The following METTL27 variants were observed in gnomAD, a reference collection of about 807,000 sequenced individuals.
METTL27 encodes methyltransferase-like protein 27.
A neutral mutation model predicts 24.5 loss-of-function variants in METTL27; 29 were observed. That is an observed-to-expected ratio of 1.18 (90% confidence interval 0.88 to 1.61). The LOEUF (loss-of-function observed/expected upper bound fraction) is 1.61. Among genes scored for constraint, METTL27 ranks in the 40% most tolerant of loss-of-function variants. METTL27 has a pLI of 0.00. For missense variants in METTL27, 341 were observed against 324.3 expected, an observed-to-expected ratio of 1.05 and a Z score of -0.40; for synonymous variants, 138 against 146.8, an observed-to-expected ratio of 0.94 and a Z score of 0.43.
At position 73,841,127 on chromosome 7, in the gene METTL27, C is replaced by T. The variant is rs146190258; in HGVS notation, c.195G>A (p.Pro65=). 9.1e-6 allele frequency: 14 copies of T among 1,535,766 alleles called. No individual in the cohort carries two copies. The highest frequency in any genetic ancestry group is 7.2e-5 in the African/African-American group (5 of 69,128). Residue 65 remains proline (P), a synonymous_variant, in exon 3 of 6, where the codon CCG becomes CCA. Transcript: ENST00000297873. ...VDCLTQALPG[P]PHSALILDVA... ...CGTCCAGGATCAGGGCACTGTGGGGCGGGCCTGGAAGGGCTTGTGTGAGGC... is the reference window on the plus strand; with the variant it reads ...CGTCCAGGATCAGGGCACTGTGGGGTGGGCCTGGAAGGGCTTGTGTGAGGC...
Position 73,834,661 on chromosome 7 carries a change from G to C in METTL27, c.*82C>G. The C allele has an allele frequency of 7.7e-7, 1 of 1,294,240 alleles. No individual in the cohort carries two copies. Among genetic ancestry groups the C allele is most frequent in the Non-Finnish European group, 1.1e-6 (1 of 929,160 alleles). 80.2% of individuals were successfully genotyped at this position (1,294,240 alleles called of 1,614,324 possible). A position where few individuals can be genotyped will look rare whatever the true frequency, so the allele number is the denominator to read the frequency against. ...GTTGGTTCGGAGGTCCCATTTTACA[G>C]GGGAGGCAGAGGAGGCCCAGCAGAT... is the stretch of plus-strand genomic sequence containing the variant. On this transcript the variant is annotated 3_prime_UTR_variant, in exon 6 of 6. Transcript: ENST00000297873.
chr7:73,839,909 A>G lies in METTL27; in HGVS notation c.478+122T>C, dbSNP rs533652417. 4.0e-5 allele frequency: 35 copies of G among 865,956 alleles called. No homozygotes were observed. In the Admixed American group the frequency reaches 8.6e-4, roughly 21 times the overall value. 53.6% of individuals were successfully genotyped at this position (865,956 alleles called of 1,614,324 possible). ...GGGATGTTAGGCTAGGCTGTGTGTG[A>G]CGCTGGGCAGGACGCTGCCCCTCGC... is the stretch of plus-strand genomic sequence containing the variant. On this transcript the variant is annotated intron_variant, in intron 5 of 5. Transcript: ENST00000297873.
chr7:73,838,612 G>GGGCA (rs1788272663), intron 5 of METTL27, among the ~76,000 whole-genome samples: 2 of 152,196 alleles, frequency 1.3e-5, no homozygotes, highest in Non-Finnish European at 2.9e-5. Context: ...TGTCACCCAT[G>GGGCA]GGCAGCCTGA....
At chr7:73,839,946 G>C (rs1309532189) in intron 5 of METTL27, 85 bp downstream of exon 5, 1 of 1,289,404 alleles carries the variant, frequency 7.8e-7, no homozygotes, top group African/African-American at 1.5e-5. Flanking sequence ...TAGCCTGAGG[G>C]GCTCTGGGGC....
chr7:73,840,685 G>GTC (rs1167323886), intron 3 of METTL27, 136 bp from the exon 4 acceptor site: 1 of 1,263,404 alleles, frequency 7.9e-7, no homozygotes, highest in Non-Finnish European at 1.1e-6. Context: ...TTGAGACAAG[G>GTC]TCTCTCTCTG....
chr7:73,838,773 C>T (rs1418435712), intron 5 of METTL27, among the ~76,000 whole-genome samples: 1 of 152,194 alleles, frequency 6.6e-6, no homozygotes, highest in Admixed American at 6.5e-5. Flanking sequence ...CTTCAGGGCT[C>T]CCCAGATGCC....
At chr7:73,840,624 G>T in intron 3 of METTL27, 75 bp from the exon 4 acceptor site, 2 of 1,509,738 alleles carry the variant, frequency 1.3e-6, no homozygotes, top group South Asian at 2.7e-5. Flanking sequence ...CCTTGGCAGG[G>T]CAGTGGACTC....
Position 73,834,648 on chromosome 7 carries a change from G to A in METTL27, c.*95C>T, listed in dbSNP as rs1788106696. ...TCTGAGGGGCAGGGTTGGTTCGGAG[G>A]TCCCATTTTACAGGGGAGGCAGAGG... On this transcript the variant is annotated 3_prime_UTR_variant, in exon 6 of 6. Transcript: ENST00000297873. 1 of 1,133,562 alleles carries A rather than the reference G, an allele frequency of 8.8e-7. No homozygotes were observed. The highest frequency in any genetic ancestry group is 1.5e-5 in the African/African-American group (1 of 64,852). 70.2% of individuals were successfully genotyped at this position (1,133,562 alleles called of 1,614,324 possible).
At chr7:73,838,892 G>A (rs889404637) in intron 5 of METTL27, among the ~76,000 whole-genome samples, 5 of 152,254 alleles carry the variant, frequency 3.3e-5, no homozygotes, top group East Asian at 1.9e-4. Flanking sequence ...GCCAGCCAGC[G>A]CCTCCTCGTT....
intron 4 of METTL27, 30 bp from the exon 5 acceptor site, chr7:73,840,150 TG>T: frequency 6.9e-7 from 1 of 1,446,972 alleles, no homozygotes; most frequent in Non-Finnish European, 9.5e-7. Flanking sequence ...GGTGGGGACA[TG>T]GTGTGATGCT....
Position 73,840,446 on chromosome 7 carries a change from G to A in METTL27, c.356C>T (p.Thr119Ile). Residue 119 changes from threonine to isoleucine, a missense_variant, in exon 4 of 6, where the codon ACC (threonine) becomes ATC (isoleucine). Thr to Ile is a moderately conservative substitution (Grantham distance 89). Transcript: ENST00000297873. ...PGLYQRLSLC[T>I]LGQEPLPSPE... ...GCTGGGCAGAGGCTCCTGGCCCAGG[G>A]TGCAGAGGCTGAGGCGCTGATAGAG... is the stretch of plus-strand genomic sequence containing the variant. 1 of 1,596,858 alleles carries A rather than the reference G, an allele frequency of 6.3e-7. No homozygotes were observed. Among genetic ancestry groups the A allele is most frequent in the Non-Finnish European group, 8.5e-7 (1 of 1,172,374 alleles).
intron 5 of METTL27, among the ~76,000 whole-genome samples, chr7:73,837,892 T>C (rs1225581334): frequency 6.6e-6 from 1 of 151,122 alleles, no homozygotes; most frequent in African/African-American, 2.4e-5. Flanking sequence ...CCCTATTTCC[T>C]AGGCTGGAGT....
At chr7:73,836,289 C>A (rs1470477634) in intron 5 of METTL27, among the ~76,000 whole-genome samples, 3 of 139,018 alleles carry the variant, frequency 2.2e-5, no homozygotes, top group Non-Finnish European at 3.2e-5. Context: ...GGGGGTCAGC[C>A]CCCCGCCCGG....
At chr7:73,838,564 G>A (rs972088152) in intron 5 of METTL27, among the ~76,000 whole-genome samples, 11 of 152,150 alleles carry the variant, frequency 7.2e-5, no homozygotes, top group African/African-American at 2.4e-4. Context: ...TGATAGAAGG[G>A]AGCGCAGTGA....
intron 5 of METTL27, among the ~76,000 whole-genome samples, chr7:73,835,428 C>T (rs1040374341): frequency 4.9e-5 from 7 of 144,126 alleles, no homozygotes. Context: ...TTGGCCAGGC[C>T]GGTCTCCAGC....
rs782312393 is a variant in METTL27 at position 73,840,575 on chromosome 7, C to A, written c.253-26G>T. 3.9e-6 allele frequency: 6 copies of A among 1,557,164 alleles called. No homozygotes were observed. The African/African-American group carries it at 8.2e-5, about 21-fold the overall frequency. ...CTGGGGTAGGGGTGGGAGACTCAGT[C>A]ATGGTTCACACCTGCCACTTCCCGG... is the stretch of plus-strand genomic sequence containing the variant. On this transcript the variant is annotated intron_variant, in intron 3 of 5. Transcript: ENST00000297873.
intron 5 of METTL27, chr7:73,839,629 A>C: frequency 5.7e-6 from 1 of 176,098 alleles, no homozygotes; most frequent in Non-Finnish European, 1.2e-5. Flanking sequence ...TGAGTGAGGA[A>C]GCAGTGAGAG....
chr7:73,838,922 C>T lies in METTL27; in HGVS notation c.478+1109G>A, dbSNP rs570942592. Among the ~76,000 whole-genome samples the T allele has an allele frequency of 1.2e-4, 18 of 152,308 alleles. No homozygotes were observed. The South Asian group carries it at 3.7e-3, about 32-fold the overall frequency. ...CTCGTTCTCATGCTCAGCCCCTCTC[C>T]TTTCTGCCTTAGGGTGCACCCCATG... is the stretch of plus-strand genomic sequence containing the variant. On this transcript the variant is annotated intron_variant, in intron 5 of 5. Coordinates refer to ENST00000297873, the MANE Select transcript of METTL27 (RefSeq NM_152559.3).
At chr7:73,840,677 G>A in intron 3 of METTL27, 128 bp from the exon 4 acceptor site, 1 of 1,328,730 alleles carries the variant, frequency 7.5e-7, no homozygotes, top group South Asian at 1.5e-5. Context: ...TTAAATTTTT[G>A]AGACAAGGTC....
Sources: gnomAD v4.1 joint callset for allele counts (sites outside exome capture counted in the v4.1 genomes callset) on GRCh38, gnomAD v4.1.1 for gene constraint, MANE v1.5 for transcripts, NCBI Gene and HGNC (gene_info 2026-07-23, HGNC 2026-07-21) for gene names.